Variants in ADGRB3 observed in about 807,000 individuals in gnomAD.
ADGRB3 encodes the protein brain-specific angiogenesis inhibitor 3.
ADGRB3 carries 37 observed loss-of-function variants against 193.4 expected under a neutral mutation model. The observed-to-expected ratio is 0.19, with a 90% CI of 0.15 to 0.25. The LOEUF (loss-of-function observed/expected upper bound fraction) is 0.25. Ranked by LOEUF, ADGRB3 falls within the 10% of genes least tolerant of loss-of-function variation. The probability of loss-of-function intolerance (pLI) is 1.00; values close to 1 mark genes in which losing one functional copy is unlikely to be tolerated. For missense variants in ADGRB3, 1,637 were observed against 1,852.9 expected, an observed-to-expected ratio of 0.88 and a Z score of 2.14; for synonymous variants, 690 against 644.2, an observed-to-expected ratio of 1.07 and a Z score of -1.08.
chr6:69,119,158 T>A (rs892807752), intron 17 of ADGRB3, among the ~76,000 whole-genome samples: 1 of 152,218 alleles, frequency 6.6e-6, no homozygotes, highest in Non-Finnish European at 1.5e-5. Context: ...CTATTGACAA[T>A]TGTAGTTATG....
chr6:69,043,130 G>C (rs1037760090), intron 13 of ADGRB3, among the ~76,000 whole-genome samples: 5 of 151,924 alleles, frequency 3.3e-5, no homozygotes, highest in African/African-American at 1.2e-4. Flanking sequence ...ATTGAGGCAA[G>C]ATATTTTTTT....
At position 68,845,608 on chromosome 6, in the gene ADGRB3, A is replaced by G. The variant is rs532463889; in HGVS notation, c.758-84951A>G. ...TCTCATGCTATTCTTGTGATAGTGA[A>G]TAAGTGTCACGAGATCTGATGGGTT... On this transcript the variant is annotated intron_variant, in intron 3 of 31. Coordinates refer to ENST00000370598, the MANE Select transcript of ADGRB3 (RefSeq NM_001704.3). 2.0e-5 allele frequency among the ~76,000 whole-genome samples: 3 copies of G among 152,258 alleles called. No individual in the cohort carries two copies. In the South Asian group the frequency reaches 6.2e-4, roughly 32 times the overall value.
chr6:68,966,539 C>G (rs1768385987), intron 8 of ADGRB3, among the ~76,000 whole-genome samples: 1 of 152,062 alleles, frequency 6.6e-6, no homozygotes, highest in African/African-American at 2.4e-5. Flanking sequence ...ACATGTGGTT[C>G]CCAGGACACA....
intron 3 of ADGRB3, among the ~76,000 whole-genome samples, chr6:68,711,572 G>A (rs2206835): frequency 0.1 from 15,281 of 152,014 alleles, 1,017 homozygotes; most frequent in Middle Eastern, 0.27. Context: ...CAACATCCGT[G>A]TTTTGTTTTG....
At chr6:68,768,271 C>T (rs1262346481) in intron 3 of ADGRB3, among the ~76,000 whole-genome samples, 4 of 152,068 alleles carry the variant, frequency 2.6e-5, no homozygotes, top group East Asian at 3.9e-4. Context: ...GGAGGCATCA[C>T]GCAACCTGAC....
At chr6:68,919,813 C>T (rs1766986387) in intron 3 of ADGRB3, among the ~76,000 whole-genome samples, 1 of 152,020 alleles carries the variant, frequency 6.6e-6, no homozygotes, top group African/African-American at 2.4e-5. Context: ...GGTTTGAAGT[C>T]AGATTATCTG....
At chr6:68,758,603 A>G (rs1394353688) in intron 3 of ADGRB3, among the ~76,000 whole-genome samples, 1 of 152,130 alleles carries the variant, frequency 6.6e-6, no homozygotes, top group Non-Finnish European at 1.5e-5. Context: ...AGGATATCAC[A>G]TACATTCACA....
rs896239746 is a variant in ADGRB3 at position 68,930,722 on chromosome 6, C to T, written c.868+53C>T. The T allele has an allele frequency of 8.6e-6, 11 of 1,275,912 alleles. No individual in the cohort carries two copies. The East Asian group carries it at 2.3e-4, about 27-fold the overall frequency. The allele number at this position is 1,275,912 out of a possible 1,614,324, so 79.0% of individuals were successfully genotyped here. A position where few individuals can be genotyped will look rare whatever the true frequency, so the allele number is the denominator to read the frequency against. ...TATTGTTGTTAATTTAATGAAACCA[C>T]TGCATGTTTTCATAATCTTTTGCTG... On this transcript the variant is annotated intron_variant, in intron 4 of 31. Transcript: ENST00000370598.
chr6:68,756,201 A>T (rs1766296117), intron 3 of ADGRB3, among the ~76,000 whole-genome samples: 1 of 152,144 alleles, frequency 6.6e-6, no homozygotes, highest in Non-Finnish European at 1.5e-5. Flanking sequence ...GCTGTATATA[A>T]CTTCCACTTA....
At chr6:68,694,783 C>T (rs2127304571) in intron 3 of ADGRB3, among the ~76,000 whole-genome samples, 1 of 152,156 alleles carries the variant, frequency 6.6e-6, no homozygotes, top group African/African-American at 2.4e-5. Flanking sequence ...TATCCCTTCA[C>T]CACTATCTTC....
chr6:69,352,772 T>C (rs565900977), intron 26 of ADGRB3, among the ~76,000 whole-genome samples: 27 of 151,352 alleles, frequency 1.8e-4, no homozygotes, highest in African/African-American at 6.0e-4. Flanking sequence ...GGCTCAGTTT[T>C]GTTTTGTTTT....
At position 69,178,079 on chromosome 6, in the gene ADGRB3, G is replaced by C. The variant is rs1034461566; in HGVS notation, c.2481-55211G>C. Among the ~76,000 whole-genome samples the C allele has an allele frequency of 2.0e-4, 30 of 152,230 alleles. 1 individual carries two copies. Among genetic ancestry groups the C allele is most frequent in the Admixed American group, 1.3e-3 (20 of 15,296 alleles). On this transcript the variant is annotated intron_variant, in intron 17 of 31. Transcript: ENST00000370598. Reference sequence around the variant, plus strand: ...TTATTTTATGGCTGTCTTTTCACAGGTCTAGAAGTACTTGTTTTATGAATC... The same window carrying C: ...TTATTTTATGGCTGTCTTTTCACAGCTCTAGAAGTACTTGTTTTATGAATC...
At chr6:69,053,178 T>C (rs927073142) in intron 15 of ADGRB3, among the ~76,000 whole-genome samples, 2 of 151,880 alleles carry the variant, frequency 1.3e-5, no homozygotes, top group African/African-American at 2.4e-5. Context: ...CAGAGCAAGA[T>C]TCCATAAAAA....
At chr6:69,359,977 G>A (rs1311603955) in intron 28 of ADGRB3, among the ~76,000 whole-genome samples, 2 of 151,364 alleles carry the variant, frequency 1.3e-5, no homozygotes, top group African/African-American at 4.8e-5. Flanking sequence ...TTTTTATACA[G>A]AGGCAAAAAG....
chr6:68,888,381 C>A (rs1359436129), intron 3 of ADGRB3, among the ~76,000 whole-genome samples: 2 of 151,870 alleles, frequency 1.3e-5, no homozygotes, highest in Non-Finnish European at 2.9e-5. Flanking sequence ...TGTATTTTTC[C>A]CATATAATTG....
chr6:68,828,761 T>A (rs1767896474), intron 3 of ADGRB3, among the ~76,000 whole-genome samples: 1 of 152,150 alleles, frequency 6.6e-6, no homozygotes, highest in African/African-American at 2.4e-5. Flanking sequence ...TTAAATTAAA[T>A]GTATGATTTG....
chr6:68,844,292 T>C (rs1364389103), intron 3 of ADGRB3, among the ~76,000 whole-genome samples: 1 of 151,752 alleles, frequency 6.6e-6, no homozygotes, highest in Non-Finnish European at 1.5e-5. Flanking sequence ...AAATGATTAA[T>C]AACTAGAAAA....
chr6:69,049,761 T>C (rs946137904), intron 15 of ADGRB3, among the ~76,000 whole-genome samples: 11 of 152,290 alleles, frequency 7.2e-5, no homozygotes, highest in South Asian at 4.1e-4. Flanking sequence ...CATGGTATTG[T>C]TTATTTGCAC....
intron 3 of ADGRB3, among the ~76,000 whole-genome samples, chr6:68,789,279 G>T (rs1041132756): frequency 4.6e-5 from 7 of 152,138 alleles, no homozygotes; most frequent in African/African-American, 1.4e-4. Flanking sequence ...GCATGTTTTT[G>T]CAGTGGCTGG....
Sources: allele counts gnomAD v4.1 joint callset (sites outside exome capture counted in the v4.1 genomes callset), GRCh38; gene constraint gnomAD v4.1.1; transcripts MANE v1.5; gene names NCBI Gene and HGNC (gene_info 2026-07-23, HGNC 2026-07-21).